Variants in C11orf65 observed in about 807,000 individuals in gnomAD.
The protein encoded by C11orf65 is chromosome 11 open reading frame 65, also known as protein MFI.
Under a neutral mutation model 35.3 loss-of-function variants are expected in C11orf65, and 38 were observed. The observed-to-expected ratio is 1.08, with a 90% CI of 0.83 to 1.41. The LOEUF is 1.41. Ranked by LOEUF, C11orf65 falls within the 40% of genes most tolerant of loss-of-function variation. The probability of loss-of-function intolerance (pLI) is 0.00; values close to 1 mark genes in which losing one functional copy is unlikely to be tolerated. For synonymous variants in C11orf65, 105 were observed against 114.4 expected, an observed-to-expected ratio of 0.92 and a Z score of 0.53; for missense variants, 370 against 367.1, an observed-to-expected ratio of 1.01 and a Z score of -0.06.
chr11:108,417,627 G>C (rs1272142008), intron 3 of C11orf65, among the ~76,000 whole-genome samples: 1 of 151,992 alleles, frequency 6.6e-6, no homozygotes, highest in African/African-American at 2.4e-5. Flanking sequence ...TCAGAATGTT[G>C]GAAGTAAAAT....
At position 108,321,286 on chromosome 11, in the gene C11orf65, C is replaced by A. The variant is rs763296454; in HGVS notation, c.641-12215G>T. On this transcript the variant is annotated intron_variant, in intron 6 of 6. Transcript: ENST00000525729. Reference sequence around the variant, plus strand: ...CTTCTTTATTTTCAGAGTGTCTTTTCTTTTTTGCTACTAGAGTAAAAGAAG... The same window carrying A: ...CTTCTTTATTTTCAGAGTGTCTTTTATTTTTTGCTACTAGAGTAAAAGAAG... 15 of 1,613,330 alleles carry A rather than the reference C, an allele frequency of 9.3e-6. No individual in the cohort carries two copies. The East Asian group carries it at 2.2e-4, about 24-fold the overall frequency.
At chr11:108,425,912 A>T (rs186999471) in intron 3 of C11orf65, among the ~76,000 whole-genome samples, 1 of 152,218 alleles carries the variant, frequency 6.6e-6, no homozygotes, top group African/African-American at 2.4e-5. Context: ...GATTATCTCA[A>T]TAGATGCAGA....
chr11:108,354,721 A>G, intron 2 of C11orf65: 1 of 1,129,026 alleles, frequency 8.9e-7, no homozygotes, highest in Non-Finnish European at 1.4e-6. Flanking sequence ...GCATAGGCTC[A>G]GCATACTACA....
At chr11:108,341,802 G>C (rs1284222153) in intron 2 of C11orf65, among the ~76,000 whole-genome samples, 1 of 152,136 alleles carries the variant, frequency 6.6e-6, no homozygotes, top group Non-Finnish European at 1.5e-5. Flanking sequence ...ATTACCCTCA[G>C]ATTAGCAAAA....
chr11:108,331,412 T>G lies in C11orf65; in HGVS notation c.*138A>C, dbSNP rs372671281. 4.9e-5 allele frequency: 79 copies of G among 1,605,368 alleles called. No homozygotes were observed. The East Asian group carries it at 1.5e-3, about 30-fold the overall frequency. ...TGTGAGAATATTTGAAATACCTTGTTTCTTAATTTTGTGTCTTTTTTTTAA... is the reference window on the plus strand; with the variant it reads ...TGTGAGAATATTTGAAATACCTTGTGTCTTAATTTTGTGTCTTTTTTTTAA... On this transcript the variant is annotated 3_prime_UTR_variant, in exon 4 of 4. Transcript: ENST00000524755.
intron 2 of C11orf65, among the ~76,000 whole-genome samples, chr11:108,445,888 G>A (rs990115166): frequency 7.0e-4 from 107 of 152,224 alleles, no homozygotes; most frequent in African/African-American, 2.4e-3. Flanking sequence ...AAAATTAGAC[G>A]AATGGATAAC....
intron 2 of C11orf65, among the ~76,000 whole-genome samples, chr11:108,452,268 C>T (rs142486237): frequency 0.11 from 17,106 of 152,030 alleles, 1,315 homozygotes; most frequent in Non-Finnish European, 0.15. Context: ...TGACAAAGGG[C>T]TAATATCAAG....
chr11:108,361,996 T>G (rs1329131016), intron 2 of C11orf65, among the ~76,000 whole-genome samples: 3 of 131,446 alleles, frequency 2.3e-5, no homozygotes, highest in Non-Finnish European at 3.2e-5. Context: ...GAAACTACCA[T>G]CAGAGTGAAC....
At chr11:108,412,071 G>T (rs2092668528) in intron 3 of C11orf65, among the ~76,000 whole-genome samples, 1 of 151,842 alleles carries the variant, frequency 6.6e-6, no homozygotes, top group African/African-American at 2.4e-5. Flanking sequence ...CACCATGCCT[G>T]GTCTGACTTT....
chr11:108,441,033 C>G (rs1466359666), intron 2 of C11orf65, among the ~76,000 whole-genome samples: 2 of 152,148 alleles, frequency 1.3e-5, no homozygotes, highest in African/African-American at 2.4e-5. Flanking sequence ...ACTGCCTCAC[C>G]CAGGAAGTGC....
intron 8 of C11orf65, among the ~76,000 whole-genome samples, chr11:108,385,196 C>T (rs1316471448): frequency 1.3e-5 from 2 of 152,090 alleles, no homozygotes; most frequent in East Asian, 3.9e-4. Flanking sequence ...CCACAGCCTC[C>T]GAGTATCTGA....
intron 1 of C11orf65, among the ~76,000 whole-genome samples, chr11:108,462,899 T>A (rs1452935360): frequency 6.6e-6 from 1 of 152,114 alleles, no homozygotes; most frequent in Non-Finnish European, 1.5e-5. Flanking sequence ...GCAGGAGGAT[T>A]TCTTGAGGCC....
downstream of C11orf65, among the ~76,000 whole-genome samples, chr11:108,326,955 A>G (rs1363277665): frequency 6.6e-6 from 1 of 152,102 alleles, no homozygotes; most frequent in East Asian, 1.9e-4. Flanking sequence ...CCTCCCTTGT[A>G]GCTGGGATTA....
At chr11:108,331,720 C>T (rs1453754708) in intron 3 of C11orf65, among the ~76,000 whole-genome samples, 1 of 151,726 alleles carries the variant, frequency 6.6e-6, no homozygotes, top group Non-Finnish European at 1.5e-5. Flanking sequence ...CTCTCTAATT[C>T]CTCATAGGCC....
chr11:108,411,222 T>C (rs1482201272), intron 3 of C11orf65, among the ~76,000 whole-genome samples: 1 of 152,220 alleles, frequency 6.6e-6, no homozygotes, highest in African/African-American at 2.4e-5. Context: ...TTTTCTCTTT[T>C]AATCCATAGA....
chr11:108,411,290 C>A (rs1292348849), intron 3 of C11orf65, among the ~76,000 whole-genome samples: 1 of 151,908 alleles, frequency 6.6e-6, no homozygotes, highest in African/African-American at 2.4e-5. Flanking sequence ...CTTCTGTATT[C>A]TCATTAATTT....
At chr11:108,376,711 A>G (rs2138178410) in intron 2 of C11orf65, among the ~76,000 whole-genome samples, 1 of 152,328 alleles carries the variant, frequency 6.6e-6, no homozygotes, top group African/African-American at 2.4e-5. Context: ...TGAAAGGATC[A>G]ACAAAATTAA....
chr11:108,359,328 A>C (rs1244277), intron 2 of C11orf65, among the ~76,000 whole-genome samples: 42 of 151,780 alleles, frequency 2.8e-4, no homozygotes, highest in African/African-American at 5.3e-4. Flanking sequence ...GAGACTTAGA[A>C]TCCCACACAT....
At chr11:108,394,411 T>A (rs78052427) in intron 6 of C11orf65, among the ~76,000 whole-genome samples, 2,262 of 152,270 alleles carry the variant, frequency 0.015, 69 homozygotes, top group African/African-American at 0.05. Flanking sequence ...TTAATAATTT[T>A]AAAAATTTTT....
Sources: gnomAD v4.1 joint callset for allele counts (sites outside exome capture counted in the v4.1 genomes callset) on GRCh38, gnomAD v4.1.1 for gene constraint, MANE v1.5 for transcripts, NCBI Gene and HGNC (gene_info 2026-07-23, HGNC 2026-07-21) for gene names.